Variants in EIF3D observed in about 807,000 individuals in gnomAD.
EIF3D encodes the protein eIF3 p66.
A neutral mutation model predicts 75.4 loss-of-function variants in EIF3D; 10 were observed. The ratio of observed to expected loss-of-function variants is 0.13; its 90% confidence interval spans 0.08 to 0.22. The LOEUF is 0.22. Ranked by LOEUF, EIF3D falls within the 10% of genes least tolerant of loss-of-function variation. The pLI is 1.00. For missense variants in EIF3D, 394 were observed against 708.0 expected (o/e 0.56, Z 5.03); for synonymous variants, 246 against 248.3 (o/e 0.99, Z 0.09).
At chr22:36,528,169 T>C (rs976728472) in intron 1 of EIF3D, among the ~76,000 whole-genome samples, 2 of 152,134 alleles carry the variant, frequency 1.3e-5, no homozygotes, top group African/African-American at 4.8e-5. Context: ...GACCTCATCA[T>C]TTCAAAACAG....
rs371446727 is a variant in EIF3D, at chr22:36,518,951, C to G, written c.712-41G>C. 9.3e-6 allele frequency: 15 copies of G among 1,606,554 alleles called. No individual in the cohort carries two copies. The East Asian group carries it at 3.4e-4, about 36-fold the overall frequency. On this transcript the variant is annotated intron_variant, in intron 8 of 14. Transcript: ENST00000216190. Reference sequence around the variant, plus strand: ...AAGAGAGAAGATGGAAAGACACTCCCAGGTCTCACTGCCCACTCACATGGA... The same window carrying G: ...AAGAGAGAAGATGGAAAGACACTCCGAGGTCTCACTGCCCACTCACATGGA...
At chr22:36,517,811 G>A (rs946017490) in intron 9 of EIF3D, among the ~76,000 whole-genome samples, 1 of 151,960 alleles carries the variant, frequency 6.6e-6, no homozygotes, top group Non-Finnish European at 1.5e-5. Context: ...GCAGTGGTGT[G>A]TCCACGGCTC....
At position 36,516,614 on chromosome 22, in the gene EIF3D, CA is replaced by C. The variant is rs1934431010; in HGVS notation, c.1077-8del. On this transcript the variant is annotated splice_polypyrimidine_tract_variant and splice_region_variant and intron_variant, in intron 11 of 14. Transcript: ENST00000216190. ...AAGCTTCCACCTGCGGTAACTGCAG[CA>C]AAAAAGAAACTCATGTGGTCACTGG... 6.2e-7 allele frequency: 1 copy of C among 1,613,832 alleles called. No individual in the cohort carries two copies. The highest frequency in any genetic ancestry group is 2.2e-5 in the East Asian group (1 of 44,874).
In EIF3D at chr22:36,524,635, C is replaced by T. The variant is rs750513751; in HGVS notation, c.267G>A (p.Gln89=). The T allele has an allele frequency of 2.5e-6, 4 of 1,614,212 alleles. No individual in the cohort carries two copies. The highest frequency in any genetic ancestry group is 3.4e-6 in the Non-Finnish European group (4 of 1,180,052). ...TTCGATTCCGCTGGTAGGCCGTCTT[C>T]TGTGTGCGCGCTGTATCCACCAGCT... The part of the protein sequence containing the change: ...SFQLVDTART[Q]KTAYQRNRMR... Residue 89 remains glutamine (Q), a synonymous_variant, in exon 4 of 15, where the codon CAG becomes CAA. Coordinates refer to ENST00000216190, the MANE Select transcript of EIF3D (RefSeq NM_003753.4).
Position 36,524,834 on chromosome 22 carries a change from T to C in EIF3D, c.170-102A>G, listed in dbSNP as rs1934570827. 3 of 1,456,580 alleles carry C rather than the reference T, an allele frequency of 2.1e-6. No homozygotes were observed. In the South Asian group the frequency reaches 3.7e-5, roughly 18 times the overall value. The allele number at this position is 1,456,580 out of a possible 1,614,324, so 90.2% of individuals were successfully genotyped here. On this transcript the variant is annotated intron_variant, in intron 3 of 14. Coordinates refer to ENST00000216190, the MANE Select transcript of EIF3D (RefSeq NM_003753.4). ...ATTTCAAGTGTGGTCTTGAGACCTG[T>C]AGCATTGGCTGAAAGCTTGTTAGAC...
chr22:36,527,774 T>C (rs553757971), intron 1 of EIF3D, among the ~76,000 whole-genome samples: 56 of 152,178 alleles, frequency 3.7e-4, no homozygotes, highest in African/African-American at 1.3e-3. Flanking sequence ...GCCATTACAC[T>C]CCAGCCTGGG....
intron 6 of EIF3D, among the ~76,000 whole-genome samples, chr22:36,522,666 C>T (rs528875777): frequency 6.6e-6 from 1 of 152,202 alleles, no homozygotes; most frequent in Non-Finnish European, 1.5e-5. Context: ...ACTGGGGGTG[C>T]TGGTGTTTGG....
At chr22:36,520,489 G>T in intron 7 of EIF3D, 87 bp downstream of exon 7, 2 of 918,736 alleles carry the variant, frequency 2.2e-6, no homozygotes, top group Non-Finnish European at 3.3e-6. Flanking sequence ...AGCCTTTTTG[G>T]AAATACTAGG....
intron 6 of EIF3D, among the ~76,000 whole-genome samples, chr22:36,521,555 T>C (rs1222604822): frequency 6.6e-6 from 1 of 152,140 alleles, no homozygotes; most frequent in African/African-American, 2.4e-5. Context: ...ACAACTCAAA[T>C]GTTCATCAGC....
At chr22:36,517,040 C>T in intron 10 of EIF3D, 1 of 612,448 alleles carries the variant, frequency 1.6e-6, no homozygotes, top group Non-Finnish European at 2.9e-6. Flanking sequence ...CATATATTCA[C>T]CATTTGATGT....
chr22:36,519,266 C>T, intron 8 of EIF3D, 139 bp downstream of exon 8: 1 of 1,275,280 alleles, frequency 7.8e-7, no homozygotes, highest in Non-Finnish European at 1.1e-6. Context: ...TTAACATCCA[C>T]ATTTCCGGTC....
At chr22:36,528,019 G>A (rs1327852699) in intron 1 of EIF3D, among the ~76,000 whole-genome samples, 1 of 152,078 alleles carries the variant, frequency 6.6e-6, no homozygotes, top group African/African-American at 2.4e-5. Context: ...AAGGGTGGTG[G>A]TCTCAGAACA....
intron 12 of EIF3D, 169 bp downstream of exon 12, chr22:36,516,309 A>C: frequency 1.4e-6 from 1 of 720,804 alleles, no homozygotes. Context: ...TTTCTCAGCA[A>C]GGAACTAAGC....
intron 2 of EIF3D, 129 bp downstream of exon 2, chr22:36,525,870 A>AAC: frequency 2.7e-6 from 4 of 1,476,558 alleles, no homozygotes; most frequent in Non-Finnish European, 3.7e-6. Flanking sequence ...ACCCAGAGAT[A>AAC]ACCTTTCTCA....
chr22:36,518,691 G>T, intron 9 of EIF3D, 72 bp downstream of exon 9: 1 of 1,571,168 alleles, frequency 6.4e-7, no homozygotes, highest in Non-Finnish European at 8.6e-7. Flanking sequence ...CCATTCTCTA[G>T]TACCAGAGAC....
intron 6 of EIF3D, 94 bp downstream of exon 6, chr22:36,523,115 G>A (rs772138763): frequency 2.8e-5 from 28 of 1,002,550 alleles, no homozygotes; most frequent in South Asian, 9.0e-5. Flanking sequence ...TAAATTGTAC[G>A]GTATGTGAAG....
chr22:36,515,853 C>T (rs1320928107), intron 12 of EIF3D, among the ~76,000 whole-genome samples: 1 of 129,718 alleles, frequency 7.7e-6, no homozygotes, highest in South Asian at 2.3e-4. Context: ...GGCCCCAGAG[C>T]GGCAAACCTT....
chr22:36,517,291 G>C lies in EIF3D; in HGVS notation c.990+10C>G. On this transcript the variant is annotated intron_variant, in intron 10 of 14. Coordinates refer to ENST00000216190, the MANE Select transcript of EIF3D (RefSeq NM_003753.4). ...AGAATGAATCAATGCCCAGAGACTCGTTTCCTCACCATTCTCAAGCACTGC... is the reference window on the plus strand; with the variant it reads ...AGAATGAATCAATGCCCAGAGACTCCTTTCCTCACCATTCTCAAGCACTGC... 1 of 1,613,648 alleles carries C rather than the reference G, an allele frequency of 6.2e-7. No homozygotes were observed. Among genetic ancestry groups the C allele is most frequent in the South Asian group, 1.1e-5 (1 of 90,996 alleles).
intron 13 of EIF3D, among the ~76,000 whole-genome samples, chr22:36,512,198 C>T (rs1456151788): frequency 1.3e-5 from 2 of 152,122 alleles, no homozygotes; most frequent in Admixed American, 1.3e-4. Context: ...CAGTCCACTG[C>T]TATTTTCAAG....
Sources: gnomAD v4.1 joint callset for allele counts (sites outside exome capture counted in the v4.1 genomes callset) on GRCh38, gnomAD v4.1.1 for gene constraint, MANE v1.5 for transcripts, NCBI Gene and HGNC (gene_info 2026-07-23, HGNC 2026-07-21) for gene names.